Variants in OSBPL8 observed in about 807,000 individuals in gnomAD.
OSBPL8 encodes the protein oxysterol-binding protein-related protein 8.
A neutral mutation model predicts 125.5 loss-of-function variants in OSBPL8; 59 were observed. That is an observed-to-expected ratio of 0.47 (90% CI 0.38 to 0.58). The LOEUF (loss-of-function observed/expected upper bound fraction) is 0.58. Among genes scored for constraint, OSBPL8 ranks in the 20% least tolerant of loss-of-function variants. The pLI, the probability that OSBPL8 is intolerant of heterozygous loss-of-function variation, is 0.00. For missense variants in OSBPL8, 758 were observed against 1,047.8 expected (o/e 0.72, Z 3.82); for synonymous variants, 330 against 338.9 (o/e 0.97, Z 0.29).
At chr12:76,528,104 C>T (rs1281948822) in intron 1 of OSBPL8, among the ~76,000 whole-genome samples, 6 of 152,062 alleles carry the variant, frequency 3.9e-5, no homozygotes, top group Admixed American at 2.6e-4. Flanking sequence ...GGGCGGATCA[C>T]GAGGTCAGGA....
chr12:76,416,702 C>A (rs1868717191), intron 4 of OSBPL8, among the ~76,000 whole-genome samples: 1 of 151,912 alleles, frequency 6.6e-6, no homozygotes, highest in Non-Finnish European at 1.5e-5. Context: ...TTTCTTTATT[C>A]TTTTATATGT....
chr12:76,415,852 T>C (rs1458909414), intron 4 of OSBPL8, among the ~76,000 whole-genome samples: 1 of 152,196 alleles, frequency 6.6e-6, no homozygotes, highest in Non-Finnish European at 1.5e-5. Context: ...GGTTTGTCTA[T>C]CAGTCTTTTT....
At chr12:76,385,045 T>C (rs1251992681) in intron 14 of OSBPL8, among the ~76,000 whole-genome samples, 4 of 152,176 alleles carry the variant, frequency 2.6e-5, no homozygotes, top group Non-Finnish European at 5.9e-5. Context: ...ACAAAAAACA[T>C]GTTATTTAAT....
chr12:76,414,327 C>T (rs979733850), intron 4 of OSBPL8, among the ~76,000 whole-genome samples: 1 of 150,604 alleles, frequency 6.6e-6, no homozygotes, highest in African/African-American at 2.4e-5. Flanking sequence ...CCATTAAGTA[C>T]AATGTTTAAT....
At chr12:76,403,051 T>C (rs1245037385) in intron 5 of OSBPL8, among the ~76,000 whole-genome samples, 1 of 152,176 alleles carries the variant, frequency 6.6e-6, no homozygotes, top group Non-Finnish European at 1.5e-5. Flanking sequence ...TCTAAGAACA[T>C]ATATAATTAT....
At chr12:76,518,736 C>T (rs1342948354) in intron 1 of OSBPL8, among the ~76,000 whole-genome samples, 1 of 152,188 alleles carries the variant, frequency 6.6e-6, no homozygotes, top group Non-Finnish European at 1.5e-5. Flanking sequence ...TTATGGCTTG[C>T]ACCCTCCAAA....
chr12:76,532,773 T>A (rs1009013667), intron 1 of OSBPL8, among the ~76,000 whole-genome samples: 4 of 151,082 alleles, frequency 2.6e-5, no homozygotes, highest in African/African-American at 9.7e-5. Flanking sequence ...CTCTGATAAA[T>A]GTGAATCACA....
intron 1 of OSBPL8, among the ~76,000 whole-genome samples, chr12:76,529,072 T>G (rs913567517): frequency 4.0e-5 from 6 of 149,864 alleles, no homozygotes; most frequent in Admixed American, 6.6e-5. Flanking sequence ...GTTTTGTTTT[T>G]TTTTAACTAT....
rs141702060 is a variant in OSBPL8, at chr12:76,411,960, T to C, written c.218-1326A>G. ...TGGCATAACAACTTTGAAAAACTAC[T>C]TGACTGTATCTATTAAAGTTAAATG... On this transcript the variant is annotated intron_variant, in intron 4 of 23. Coordinates refer to ENST00000261183, the MANE Select transcript of OSBPL8 (RefSeq NM_020841.5). Among the ~76,000 whole-genome samples the C allele has an allele frequency of 5.0e-4, 76 of 152,282 alleles. 1 individual carries two copies. The highest frequency in any genetic ancestry group is 1.7e-3 in the African/African-American group (69 of 41,574).
intron 12 of OSBPL8, among the ~76,000 whole-genome samples, chr12:76,389,072 T>C (rs1025600395): frequency 4.6e-5 from 7 of 152,184 alleles, no homozygotes; most frequent in African/African-American, 1.7e-4. Context: ...TTCCAAGAAA[T>C]TGCTGGGACA....
chr12:76,473,910 T>C (rs1433859268), intron 2 of OSBPL8, among the ~76,000 whole-genome samples: 1 of 152,194 alleles, frequency 6.6e-6, no homozygotes. Flanking sequence ...CATAGGGTTA[T>C]TTTAAAGATT....
chr12:76,396,303 T>C (rs1421059361), intron 8 of OSBPL8, among the ~76,000 whole-genome samples: 1 of 152,096 alleles, frequency 6.6e-6, no homozygotes, highest in Non-Finnish European at 1.5e-5. Flanking sequence ...GTATGTGTAT[T>C]ACGTTATTAA....
chr12:76,484,205 A>T (rs546773199), intron 2 of OSBPL8, among the ~76,000 whole-genome samples: 1 of 152,268 alleles, frequency 6.6e-6, no homozygotes, highest in South Asian at 2.1e-4. Flanking sequence ...TTTACTAATT[A>T]TACCCTGAAT....
intron 1 of OSBPL8, among the ~76,000 whole-genome samples, chr12:76,489,296 C>T (rs1433069991): frequency 6.6e-6 from 1 of 152,202 alleles, no homozygotes; most frequent in Non-Finnish European, 1.5e-5. Context: ...CACTAAACAA[C>T]AGGTTTTCAA....
intron 6 of OSBPL8, among the ~76,000 whole-genome samples, chr12:76,400,792 C>CTTT (rs879470526): frequency 1.5e-5 from 2 of 137,080 alleles, no homozygotes; most frequent in African/African-American, 2.7e-5. Context: ...ATAATTTTAC[C>CTTT]TTTTTTTTTT....
At chr12:76,487,428 AT>A (rs1565937928) in intron 2 of OSBPL8, 81 bp downstream of exon 2, 15 of 1,171,504 alleles carry the variant, frequency 1.3e-5, no homozygotes, top group Non-Finnish European at 1.3e-5. Flanking sequence ...TTGTTAATAT[AT>A]TTTAAAAACA....
intron 23 of OSBPL8, 71 bp downstream of exon 23, chr12:76,356,555 A>T: frequency 1.1e-6 from 1 of 936,616 alleles, no homozygotes; most frequent in South Asian, 1.6e-5. Context: ...TCTGCATATG[A>T]TTTCCCATAT....
At chr12:76,550,666 G>A (rs908731039) in intron 1 of OSBPL8, among the ~76,000 whole-genome samples, 1 of 152,172 alleles carries the variant, frequency 6.6e-6, no homozygotes, top group African/African-American at 2.4e-5. Flanking sequence ...AACTGTCCTG[G>A]GCCGTGCGCA....
intron 5 of OSBPL8, among the ~76,000 whole-genome samples, chr12:76,408,426 T>C (rs1344434579): frequency 5.0e-5 from 7 of 139,296 alleles, no homozygotes; most frequent in African/African-American, 1.1e-4. Context: ...CGCACCACTG[T>C]ACTCCAGTCT....
Sources: allele counts gnomAD v4.1 joint callset (sites outside exome capture counted in the v4.1 genomes callset), GRCh38; gene constraint gnomAD v4.1.1; transcripts MANE v1.5; gene names NCBI Gene and HGNC (gene_info 2026-07-23, HGNC 2026-07-21).